FAM216A: variants seen among roughly 807,000 people sequenced by gnomAD.
FAM216A encodes the protein protein FAM216A.
In FAM216A, 26 loss-of-function variants were observed where a neutral mutation model predicts 37.6. The observed-to-expected ratio is 0.69, with a 90% CI of 0.51 to 0.96. FAM216A has a LOEUF of 0.96. Among genes scored for constraint, FAM216A ranks in the 40% least tolerant of loss-of-function variants. The pLI is 0.00. For missense variants in FAM216A, 326 were observed against 339.3 expected (o/e 0.96, Z 0.31); for synonymous variants, 110 against 121.7 (o/e 0.90, Z 0.64).
At chr12:110,474,689 CT>C (rs1189072183) in intron 2 of FAM216A, among the ~76,000 whole-genome samples, 264 of 68,126 alleles carry the variant, frequency 3.9e-3, no homozygotes, top group African/African-American at 0.017. Flanking sequence ...GAGACTCTGT[CT>C]CAAAAAAAAA....
At chr12:110,482,194 G>C (rs1205642581) in intron 2 of FAM216A, among the ~76,000 whole-genome samples, 2 of 151,940 alleles carry the variant, frequency 1.3e-5, no homozygotes, top group East Asian at 3.9e-4. Context: ...AGATTCTCCT[G>C]CCTCAGCCTC....
upstream of FAM216A, chr12:110,468,451 AT>A: frequency 7.8e-6 from 12 of 1,535,850 alleles, no homozygotes; most frequent in Non-Finnish European, 1.0e-5. Context: ...GGCCGTTGGG[AT>A]GCTGTCTAAG....
At position 110,469,865 on chromosome 12, in the gene FAM216A, T is replaced by C. The variant is rs1287919845; in HGVS notation, c.143+847T>C. On this transcript the variant is annotated intron_variant, in intron 1 of 6. Coordinates refer to ENST00000377673, the MANE Select transcript of FAM216A (RefSeq NM_013300.3). Reference sequence around the variant, plus strand: ...CAATGACTGAATATCCGAGGTGCCTTGATCTTGACATTTTCTTCACACTGA... The same window carrying C: ...CAATGACTGAATATCCGAGGTGCCTCGATCTTGACATTTTCTTCACACTGA... 2.0e-5 allele frequency among the ~76,000 whole-genome samples: 3 copies of C among 152,270 alleles called. No individual in the cohort carries two copies. In the East Asian group the frequency reaches 5.8e-4, roughly 29 times the overall value.
At chr12:110,485,314 G>A in intron 3 of FAM216A, 115 bp downstream of exon 3, 2 of 816,044 alleles carry the variant, frequency 2.5e-6, no homozygotes, top group Non-Finnish European at 3.8e-6. Context: ...GGCATATGCA[G>A]TATAATTGTC....
chr12:110,487,923 G>C lies in FAM216A; in HGVS notation c.683G>C (p.Arg228Thr). 6.2e-7 allele frequency: 1 copy of C among 1,604,010 alleles called. No individual in the cohort carries two copies. Among genetic ancestry groups the C allele is most frequent in the Non-Finnish European group, 8.5e-7 (1 of 1,172,926 alleles). The change falls in exon 6 of 7, where the codon AGG becomes ACG. Residue 228 changes from arginine to threonine, a missense_variant. Coordinates refer to ENST00000377673, the MANE Select transcript of FAM216A (RefSeq NM_013300.3). ...TCACTGAAGATTTTTAGAAGACCAA[G>C]GAAACTGTTCATGCAAACAGGTAAA... ...CKSLKIFRRPRKLFMQTVSSD... is the reference protein window; with the variant it reads ...CKSLKIFRRPTKLFMQTVSSD...
chr12:110,479,871 CA>C (rs553868184), intron 2 of FAM216A, among the ~76,000 whole-genome samples: 1 of 150,478 alleles, frequency 6.6e-6, no homozygotes, highest in Non-Finnish European at 1.5e-5. Context: ...AACAAAACAA[CA>C]AAAAAAAGCC....
intron 2 of FAM216A, among the ~76,000 whole-genome samples, chr12:110,474,691 CAAAAAAAAAAAAAAA>C (rs34479591): frequency 0.021 from 943 of 44,934 alleles, 9 homozygotes; most frequent in Admixed American, 0.034. Context: ...GACTCTGTCT[CAAAAAAAAAAAAAAA>C]AAAAAAAAAA....
intron 2 of FAM216A, among the ~76,000 whole-genome samples, chr12:110,477,718 T>G (rs1021450426): frequency 6.6e-6 from 1 of 150,684 alleles, no homozygotes; most frequent in Non-Finnish European, 1.5e-5. Context: ...TGCTTTTTCT[T>G]TTTTTTTGAG....
chr12:110,477,209 G>C (rs12582293), intron 2 of FAM216A, among the ~76,000 whole-genome samples: 34 of 152,302 alleles, frequency 2.2e-4, no homozygotes, highest in Non-Finnish European at 4.4e-4. Context: ...GTTTGGTTCA[G>C]GTGATGTCTG....
At chr12:110,478,813 C>T (rs531558550) in intron 2 of FAM216A, among the ~76,000 whole-genome samples, 6 of 152,056 alleles carry the variant, frequency 3.9e-5, no homozygotes, top group South Asian at 4.1e-4. Flanking sequence ...TGAGTCAATA[C>T]GTGAGTGTTG....
chr12:110,473,110 A>G lies in FAM216A; in HGVS notation c.176A>G (p.Lys59Arg). Residue 59 changes from lysine (K) to arginine (R), a missense_variant, in exon 2 of 7, where the codon AAA becomes AGA. Coordinates refer to ENST00000377673, the MANE Select transcript of FAM216A (RefSeq NM_013300.3). ...SAGYSCYQNS[K>R]GSDRIKDGYK... ...GGATACTCTTGTTACCAGAATTCCA[A>G]AGGTTCTGGTGAGTAGTGCATATAA... 6.4e-7 allele frequency: 1 copy of G among 1,565,794 alleles called. No individual in the cohort carries two copies. Among genetic ancestry groups the G allele is most frequent in the Non-Finnish European group, 8.7e-7 (1 of 1,146,438 alleles).
rs760081893 is a variant in FAM216A, at chr12:110,486,705, G to A, written c.608G>A (p.Arg203Lys). 3.1e-6 allele frequency: 5 copies of A among 1,612,942 alleles called. No individual in the cohort carries two copies. The highest frequency in any genetic ancestry group is 4.2e-6 in the Non-Finnish European group (5 of 1,179,680). The change falls in exon 5 of 7, where the codon AGA becomes AAA. Residue 203 changes from arginine (R) to lysine (K), a missense_variant. Transcript: ENST00000377673. ...CAGCATTCCCTTTGGCGGCCAGTGA[G>A]AAACAAAGAAGGGTCTGTTTCTTAG... is the stretch of plus-strand genomic sequence containing the variant. ...LIQHSLWRPV[R>K]NKEGIKTGYA...
intron 2 of FAM216A, among the ~76,000 whole-genome samples, chr12:110,483,050 G>A (rs1248452683): frequency 6.6e-6 from 1 of 152,048 alleles, no homozygotes; most frequent in African/African-American, 2.4e-5. Context: ...TCGGGGCCAG[G>A]CGCGGTGGCT....
intron 2 of FAM216A, among the ~76,000 whole-genome samples, chr12:110,482,486 C>CAT (rs955538004): frequency 2.6e-5 from 4 of 151,930 alleles, no homozygotes; most frequent in African/African-American, 9.7e-5. Context: ...ACAGTGTAAA[C>CAT]ATATATACAA....
At chr12:110,479,975 T>A (rs1324096002) in intron 2 of FAM216A, among the ~76,000 whole-genome samples, 1 of 152,008 alleles carries the variant, frequency 6.6e-6, no homozygotes, top group Non-Finnish European at 1.5e-5. Context: ...TTGGGTTGGT[T>A]AACTATTTAT....
chr12:110,468,754 G>C, upstream of FAM216A: 1 of 1,480,618 alleles, frequency 6.8e-7, no homozygotes, highest in Non-Finnish European at 9.0e-7. Flanking sequence ...GGATCTGCCC[G>C]CCCCGCTCTC....
intron 1 of FAM216A, among the ~76,000 whole-genome samples, chr12:110,470,824 TAA>T (rs966775995): frequency 6.6e-6 from 1 of 150,938 alleles, no homozygotes; most frequent in African/African-American, 2.4e-5. Context: ...AAACTACAAT[TAA>T]AAAAAAAGAC....
intron 1 of FAM216A, 26 bp downstream of exon 1, chr12:110,469,044 G>A (rs1055876337): frequency 1.1e-5 from 15 of 1,419,100 alleles, no homozygotes; most frequent in African/African-American, 1.0e-4. Context: ...CCGGGGTAAG[G>A]GTGGCAGCAT....
chr12:110,484,952 G>A (rs1004647131), intron 2 of FAM216A, 126 bp from the exon 3 acceptor site: 29 of 807,510 alleles, frequency 3.6e-5, no homozygotes, highest in African/African-American at 2.7e-4. Context: ...CACCCACCTC[G>A]GCCTCCCAAA....
Sources: gnomAD v4.1 joint callset for allele counts (sites outside exome capture counted in the v4.1 genomes callset) on GRCh38, gnomAD v4.1.1 for gene constraint, MANE v1.5 for transcripts, NCBI Gene and HGNC (gene_info 2026-07-23, HGNC 2026-07-21) for gene names.